ALKBH8: variants seen among roughly 807,000 people sequenced by gnomAD.
The protein encoded by ALKBH8 is alkB homolog 8, tRNA methyltransferase.
A neutral mutation model predicts 59.8 loss-of-function variants in ALKBH8; 36 were observed. The ratio of observed to expected loss-of-function variants is 0.60; its 90% CI spans 0.46 to 0.79. The LOEUF (loss-of-function observed/expected upper bound fraction) is 0.79, where lower values mean the gene tolerates loss of function less well. Among genes scored for constraint, ALKBH8 ranks in the 30% least tolerant of loss-of-function variants. The probability of loss-of-function intolerance (pLI) is 0.00; values close to 1 mark genes in which losing one functional copy is unlikely to be tolerated. For missense variants in ALKBH8, 768 were observed against 801.0 expected (o/e 0.96, Z 0.50); for synonymous variants, 276 against 273.6 (o/e 1.01, Z -0.09).
chr11:107,526,077 TC>T (rs1863340429), intron 8 of ALKBH8, among the ~76,000 whole-genome samples: 1 of 152,006 alleles, frequency 6.6e-6, no homozygotes, highest in Non-Finnish European at 1.5e-5. Context: ...CTTATACACA[TC>T]ATTTTTGGAT....
intron 11 of ALKBH8, among the ~76,000 whole-genome samples, chr11:107,509,903 T>C (rs549714405): frequency 1.3e-3 from 205 of 152,328 alleles, no homozygotes; most frequent in African/African-American, 4.6e-3. Flanking sequence ...AAATAAGTTA[T>C]AATACAACAA....
At position 107,553,989 on chromosome 11, in the gene ALKBH8, C is replaced by G. The variant is rs1864604832; in HGVS notation, c.368-11G>C. 1 of 1,612,714 alleles carries G rather than the reference C, an allele frequency of 6.2e-7. No individual in the cohort carries two copies. The highest frequency in any genetic ancestry group is 1.1e-5 in the South Asian group (1 of 90,796). ...ACTCCTTCCACTGCACTATGGGAAA[C>G]CAAATTAAAATAGTCACATGCAAAA... On this transcript the variant is annotated splice_polypyrimidine_tract_variant and intron_variant, in intron 3 of 11. Transcript: ENST00000428149.
At chr11:107,525,728 A>G (rs543014381) in intron 8 of ALKBH8, 136 bp from the exon 9 acceptor site, 2 of 565,894 alleles carry the variant, frequency 3.5e-6, no homozygotes, top group South Asian at 1.3e-4. Flanking sequence ...GAATTGTTAG[A>G]CATTGTGGAA....
At chr11:107,559,046 G>A (rs990293372) in intron 2 of ALKBH8, among the ~76,000 whole-genome samples, 1 of 152,182 alleles carries the variant, frequency 6.6e-6, no homozygotes, top group Non-Finnish European at 1.5e-5. Flanking sequence ...CCCCTATAAT[G>A]TTCTCGTGGT....
At chr11:107,520,045 C>A (rs1863041733) in intron 10 of ALKBH8, among the ~76,000 whole-genome samples, 1 of 152,088 alleles carries the variant, frequency 6.6e-6, no homozygotes, top group Admixed American at 6.6e-5. Flanking sequence ...AAGCTAGATC[C>A]TAAAGGTAAT....
chr11:107,525,400 A>G (rs1158021427), intron 9 of ALKBH8, 41 bp downstream of exon 9: 2 of 1,492,102 alleles, frequency 1.3e-6, no homozygotes, highest in East Asian at 2.7e-5. Flanking sequence ...TTTATATTAA[A>G]CTGACTCCAT....
At position 107,530,600 on chromosome 11, in the gene ALKBH8, AACACACACACACACAC is replaced by A. The variant is rs66736211; in HGVS notation, c.878+1684_878+1699del. ...CATTTCCCCATCTCTCTCTCTTCCT[AACACACACACACACAC>A]ACACACACACACACACACACACACA... On this transcript the variant is annotated intron_variant, in intron 8 of 11. Coordinates refer to ENST00000428149, the MANE Select transcript of ALKBH8 (RefSeq NM_138775.3). Among the ~76,000 whole-genome samples, 122 of 132,194 alleles carry A rather than the reference AACACACACACACACAC, an allele frequency of 9.2e-4. 1 individual carries two copies. The East Asian group carries it at 0.021, about 22-fold the overall frequency. 86.7% of individuals were successfully genotyped at this position (132,194 alleles called of 152,430 possible).
At chr11:107,540,023 G>A (rs910119063) in intron 7 of ALKBH8, among the ~76,000 whole-genome samples, 1 of 152,138 alleles carries the variant, frequency 6.6e-6, no homozygotes, top group Non-Finnish European at 1.5e-5. Context: ...GAAGTGTTAC[G>A]GGCAGCAGCT....
At chr11:107,510,679 T>A (rs1221679310) in intron 11 of ALKBH8, among the ~76,000 whole-genome samples, 1 of 151,902 alleles carries the variant, frequency 6.6e-6, no homozygotes, top group Non-Finnish European at 1.5e-5. Context: ...AAGGGTAGAG[T>A]CCCATCAGGC....
At chr11:107,525,626 T>C in intron 8 of ALKBH8, 34 bp from the exon 9 acceptor site, 2 of 1,317,422 alleles carry the variant, frequency 1.5e-6, no homozygotes, top group Non-Finnish European at 2.0e-6. Context: ...TTACTTAACA[T>C]TGTATTAATA....
chr11:107,554,740 A>G (rs1038612324), intron 3 of ALKBH8, among the ~76,000 whole-genome samples: 2 of 152,220 alleles, frequency 1.3e-5, no homozygotes, highest in Non-Finnish European at 2.9e-5. Flanking sequence ...ATGAATAGTA[A>G]ATCATTTGCT....
chr11:107,560,259 G>A, intron 2 of ALKBH8, among the ~76,000 whole-genome samples: 1 of 151,946 alleles, frequency 6.6e-6, no homozygotes, highest in East Asian at 1.9e-4. Context: ...TTGTTAATAA[G>A]GTCTAATAAA....
At chr11:107,538,526 C>T (rs1863913372) in intron 7 of ALKBH8, among the ~76,000 whole-genome samples, 1 of 152,110 alleles carries the variant, frequency 6.6e-6, no homozygotes, top group Non-Finnish European at 1.5e-5. Context: ...ATGGCAGAGT[C>T]AATAAAGATC....
intron 10 of ALKBH8, among the ~76,000 whole-genome samples, chr11:107,514,317 G>A (rs1449676146): frequency 6.6e-6 from 1 of 151,872 alleles, no homozygotes; most frequent in East Asian, 1.9e-4. Flanking sequence ...ATAAAAGAAT[G>A]GAAATTAAAA....
chr11:107,553,224 A>G (rs1864568643), intron 4 of ALKBH8, 21 bp from the exon 5 acceptor site: 1 of 1,478,382 alleles, frequency 6.8e-7, no homozygotes, highest in African/African-American at 1.4e-5. Flanking sequence ...AGAACAAAGT[A>G]AACAATTAAG....
At chr11:107,529,475 T>C (rs570357125) in intron 8 of ALKBH8, among the ~76,000 whole-genome samples, 2 of 151,936 alleles carry the variant, frequency 1.3e-5, no homozygotes, top group East Asian at 1.9e-4. Flanking sequence ...TCTTGAAACA[T>C]ACATTCTCAT....
chr11:107,512,363 G>A (rs557497968), intron 10 of ALKBH8, among the ~76,000 whole-genome samples: 2 of 152,076 alleles, frequency 1.3e-5, no homozygotes, highest in South Asian at 2.1e-4. Flanking sequence ...ACCTAAGCTC[G>A]AGTACAGTGG....
chr11:107,545,984 A>G (rs909254948), intron 7 of ALKBH8, among the ~76,000 whole-genome samples: 4 of 152,222 alleles, frequency 2.6e-5, no homozygotes, highest in Non-Finnish European at 4.4e-5. Flanking sequence ...AAAGTCAAAT[A>G]AAGGAATTTT....
At chr11:107,546,064 TA>T (rs1348342289) in intron 7 of ALKBH8, among the ~76,000 whole-genome samples, 1 of 152,212 alleles carries the variant, frequency 6.6e-6, no homozygotes, top group Non-Finnish European at 1.5e-5. Flanking sequence ...TTCTTTGTTC[TA>T]AAAAATTAGT....
Sources: allele counts gnomAD v4.1 joint callset (sites outside exome capture counted in the v4.1 genomes callset), GRCh38; gene constraint gnomAD v4.1.1; transcripts MANE v1.5; gene names NCBI Gene and HGNC (gene_info 2026-07-23, HGNC 2026-07-21).